Variants in AXDND1 observed in about 807,000 individuals in gnomAD.
AXDND1 encodes axonemal dynein light chain domain-containing protein 1.
A neutral mutation model predicts 137.5 loss-of-function variants in AXDND1; 110 were observed. The ratio of observed to expected loss-of-function variants is 0.80; its 90% CI spans 0.69 to 0.94. The LOEUF (loss-of-function observed/expected upper bound fraction) is 0.94. AXDND1 is among the 40% of genes least tolerant of loss of function. The probability of loss-of-function intolerance (pLI) is 0.00; values close to 1 mark genes in which losing one functional copy is unlikely to be tolerated. For missense variants in AXDND1, 1,191 were observed against 1,169.8 expected, an observed-to-expected ratio of 1.02 and a Z score of -0.26; for synonymous variants, 414 against 399.7, an observed-to-expected ratio of 1.04 and a Z score of -0.43.
chr1:179,461,830 A>C (rs1388065635), intron 16 of AXDND1, among the ~76,000 whole-genome samples: 1 of 152,122 alleles, frequency 6.6e-6, no homozygotes, highest in East Asian at 1.9e-4. Flanking sequence ...GTGGGAGTTC[A>C]CTCATGATTT....
chr1:179,523,858 C>A (rs1359068095), intron 21 of AXDND1, among the ~76,000 whole-genome samples: 1 of 152,124 alleles, frequency 6.6e-6, no homozygotes, highest in Non-Finnish European at 1.5e-5. Flanking sequence ...TATCCCTCCT[C>A]ACCTCCCACC....
At chr1:179,402,044 C>T (rs889882636) in intron 11 of AXDND1, among the ~76,000 whole-genome samples, 4 of 151,774 alleles carry the variant, frequency 2.6e-5, no homozygotes, top group Non-Finnish European at 2.9e-5. Flanking sequence ...TGGTGGCATG[C>T]GCCTGCAGTC....
At chr1:179,377,854 C>T (rs1460078085) in intron 4 of AXDND1, among the ~76,000 whole-genome samples, 2 of 152,080 alleles carry the variant, frequency 1.3e-5, no homozygotes, top group Admixed American at 1.3e-4. Context: ...ATAGATCAAT[C>T]GATTGATCCA....
In AXDND1 at chr1:179,397,979, C is replaced by A. The variant is rs372927306; in HGVS notation, c.1109+2777C>A. Among the ~76,000 whole-genome samples, 2 of 152,238 alleles carry A rather than the reference C, an allele frequency of 1.3e-5. 1 individual carries two copies. Among genetic ancestry groups the A allele is most frequent in the East Asian group, 3.9e-4 (2 of 5,182 alleles). Reference sequence around the variant, plus strand: ...TTCATTCCTATCCATAGCATGAATTCTGTTTGTGTCATTTCTGCCATCTCA... The same window carrying A: ...TTCATTCCTATCCATAGCATGAATTATGTTTGTGTCATTTCTGCCATCTCA... On this transcript the variant is annotated intron_variant, in intron 11 of 25. Coordinates refer to ENST00000367618, the MANE Select transcript of AXDND1 (RefSeq NM_144696.6).
chr1:179,419,607 A>AGAGAGGGAGAGGGAGATGGTGGG (rs1438982763), intron 12 of AXDND1, among the ~76,000 whole-genome samples: 1 of 118,976 alleles, frequency 8.4e-6, no homozygotes, highest in East Asian at 2.9e-4. Context: ...GACCGTGGAA[A>AGAGAGGGAGAGGGAGATGGTGGG]GAGAGGGAGA....
chr1:179,438,528 C>A (rs936211209), intron 15 of AXDND1, among the ~76,000 whole-genome samples: 8 of 152,038 alleles, frequency 5.3e-5, no homozygotes, highest in African/African-American at 1.9e-4. Flanking sequence ...ATTAGTGTGA[C>A]CAAGGAAACA....
chr1:179,395,242 A>G (rs1650865340), intron 11 of AXDND1, 40 bp downstream of exon 11: 1 of 1,516,328 alleles, frequency 6.6e-7, no homozygotes. Context: ...ATAGGGGAAA[A>G]GGAAGAAGCT....
At chr1:179,445,578 T>TCC (rs1659618447) in intron 16 of AXDND1, among the ~76,000 whole-genome samples, 1 of 152,170 alleles carries the variant, frequency 6.6e-6, no homozygotes, top group Admixed American at 6.5e-5. Flanking sequence ...ATTTCCCTGT[T>TCC]CTGGACTTTC....
chr1:179,422,320 G>C (rs1049702374), intron 12 of AXDND1, among the ~76,000 whole-genome samples: 2 of 147,826 alleles, frequency 1.4e-5, no homozygotes, highest in African/African-American at 5.0e-5. Context: ...ATAGATTTTT[G>C]TATGCTGTTT....
chr1:179,409,358 T>C (rs1348055175), intron 11 of AXDND1, among the ~76,000 whole-genome samples: 1 of 152,120 alleles, frequency 6.6e-6, no homozygotes. Context: ...GTGCCACTTT[T>C]AGGGGTTTTT....
At chr1:179,489,550 G>A (rs1666599394) in intron 18 of AXDND1, among the ~76,000 whole-genome samples, 1 of 152,160 alleles carries the variant, frequency 6.6e-6, no homozygotes, top group South Asian at 2.1e-4. Context: ...AATATGTAAG[G>A]AAGTAGTATC....
At chr1:179,509,204 T>C (rs549014791) in intron 20 of AXDND1, 92 bp from the exon 21 acceptor site, 15 of 747,300 alleles carry the variant, frequency 2.0e-5, no homozygotes, top group African/African-American at 1.6e-4. Flanking sequence ...AATATAGTTA[T>C]GTTTAGAGGA....
chr1:179,488,420 T>TTTG (rs1666329044), intron 18 of AXDND1, among the ~76,000 whole-genome samples: 1 of 147,840 alleles, frequency 6.8e-6, no homozygotes, highest in Non-Finnish European at 1.5e-5. Flanking sequence ...GTGTGGTTTT[T>TTTG]TTTGTTTGTT....
intron 25 of AXDND1, chr1:179,552,609 T>C (rs1320112770): frequency 6.2e-7 from 1 of 1,613,516 alleles, no homozygotes; most frequent in African/African-American, 1.3e-5. Flanking sequence ...TCACCCGCAC[T>C]TTGGCTTGTC....
chr1:179,539,592 A>T (rs1671913287), intron 25 of AXDND1, among the ~76,000 whole-genome samples: 2 of 152,112 alleles, frequency 1.3e-5, no homozygotes, highest in South Asian at 4.2e-4. Flanking sequence ...TTTGTGGGTA[A>T]CCCAACCTTT....
chr1:179,538,918 G>A (rs959846908), intron 25 of AXDND1, among the ~76,000 whole-genome samples: 2 of 151,722 alleles, frequency 1.3e-5, no homozygotes, highest in Non-Finnish European at 3.0e-5. Flanking sequence ...AGCTCTTGTT[G>A]TTGCATTGAT....
chr1:179,497,578 C>A (rs1029826030), intron 20 of AXDND1, among the ~76,000 whole-genome samples: 11 of 152,142 alleles, frequency 7.2e-5, no homozygotes, highest in African/African-American at 2.4e-4. Context: ...AAGCTTGAAC[C>A]ATTCCCCTTG....
At chr1:179,372,731 T>A (rs1448186530) in intron 4 of AXDND1, among the ~76,000 whole-genome samples, 46 of 152,190 alleles carry the variant, frequency 3.0e-4, no homozygotes, top group Admixed American at 3.0e-3. Flanking sequence ...TTGCCCAGGC[T>A]GGAGTGCAAT....
chr1:179,383,346 A>G (rs1648688014), intron 7 of AXDND1, 96 bp from the exon 8 acceptor site: 2 of 850,538 alleles, frequency 2.4e-6, no homozygotes, highest in Non-Finnish European at 3.8e-6. Context: ...CCCAGAGAGC[A>G]TATATATTCT....
Sources: gnomAD v4.1 joint callset for allele counts (sites outside exome capture counted in the v4.1 genomes callset) on GRCh38, gnomAD v4.1.1 for gene constraint, MANE v1.5 for transcripts, NCBI Gene and HGNC (gene_info 2026-07-23, HGNC 2026-07-21) for gene names.